SCN2A: variants seen among roughly 807,000 people sequenced by gnomAD.
SCN2A encodes the protein sodium voltage-gated channel alpha subunit 2.
A neutral mutation model predicts 188.7 loss-of-function variants in SCN2A; 20 were observed. The ratio of observed to expected loss-of-function variants is 0.11; its 90% CI spans 0.07 to 0.15. SCN2A has a LOEUF of 0.15. Among genes scored for constraint, SCN2A ranks in the 10% least tolerant of loss-of-function variants. The pLI is 1.00. For synonymous variants in SCN2A, 804 were observed against 833.1 expected (o/e 0.97, Z 0.60); for missense variants, 1,278 against 2,445.0 (o/e 0.52, Z 10.07).
chr2:165,345,465 T>C (rs1699526930), intron 16 of SCN2A, among the ~76,000 whole-genome samples: 1 of 152,210 alleles, frequency 6.6e-6, no homozygotes, highest in Admixed American at 6.5e-5. Flanking sequence ...TTTACCATTA[T>C]GTAGTGTCTT....
chr2:165,240,694 T>TGTGTGTGTGTGTGA (rs755090637), intron 1 of SCN2A, among the ~76,000 whole-genome samples: 16 of 150,500 alleles, frequency 1.1e-4, no homozygotes, highest in African/African-American at 3.7e-4. Flanking sequence ...TGTGTGTGTG[T>TGTGTGTGTGTGTGA]GATGGTGGAG....
intron 3 of SCN2A, among the ~76,000 whole-genome samples, chr2:165,303,012 C>G (rs1220418536): frequency 6.6e-6 from 1 of 152,172 alleles, no homozygotes; most frequent in African/African-American, 2.4e-5. Flanking sequence ...AAAGGTTTAT[C>G]TGCCTCTATT....
At chr2:165,284,182 AT>A (rs1559336018) in intron 1 of SCN2A, among the ~76,000 whole-genome samples, 1 of 151,234 alleles carries the variant, frequency 6.6e-6, no homozygotes, top group East Asian at 1.9e-4. Context: ...TTATTTATTT[AT>A]TTTTTGAGAC....
At chr2:165,348,826 C>T (rs1699740355) in intron 16 of SCN2A, among the ~76,000 whole-genome samples, 1 of 152,194 alleles carries the variant, frequency 6.6e-6, no homozygotes, top group African/African-American at 2.4e-5. Context: ...CAGTTTTTCT[C>T]TGCAGGACCT....
intron 5 of SCN2A, 157 bp from the exon 6 acceptor site, chr2:165,309,195 T>A: frequency 6.2e-7 from 1 of 1,613,642 alleles, no homozygotes; most frequent in Non-Finnish European, 8.5e-7. Context: ...ACCTAGGCAA[T>A]GTTTCAGCTC....
At chr2:165,326,453 A>T (rs1698364067) in intron 12 of SCN2A, among the ~76,000 whole-genome samples, 1 of 152,222 alleles carries the variant, frequency 6.6e-6, no homozygotes, top group African/African-American at 2.4e-5. Flanking sequence ...CTTTTTGTTC[A>T]TATATTAAAC....
At chr2:165,380,870 C>T (rs1701566900) in intron 24 of SCN2A, 141 bp downstream of exon 24, 2 of 777,132 alleles carry the variant, frequency 2.6e-6, no homozygotes, top group South Asian at 1.8e-5. Context: ...AATCGATAAG[C>T]TTTTAAGCAA....
rs149375347 is a variant in SCN2A, at chr2:165,305,761, A to G, written c.387-2087A>G. ...AGAAAGAAAAGCTGGTAGGCTGAAT[A>G]TATGATAGATATATAAGAAAAGGAA... On this transcript the variant is annotated intron_variant, in intron 3 of 26. Coordinates refer to ENST00000375437, the MANE Select transcript of SCN2A (RefSeq NM_001040142.2). Among the ~76,000 whole-genome samples the G allele has an allele frequency of 6.2e-3, 946 of 152,354 alleles. 17 individuals carry two copies. Among genetic ancestry groups the G allele is most frequent in the African/African-American group, 0.021 (863 of 41,584 alleles).
At chr2:165,265,702 A>G (rs1195391502) in intron 1 of SCN2A, among the ~76,000 whole-genome samples, 1 of 151,068 alleles carries the variant, frequency 6.6e-6, no homozygotes, top group African/African-American at 2.4e-5. Context: ...GCCTGAAACA[A>G]CACAGTATTC....
intron 1 of SCN2A, among the ~76,000 whole-genome samples, chr2:165,247,415 A>T (rs898984041): frequency 6.6e-5 from 10 of 152,074 alleles, no homozygotes; most frequent in Non-Finnish European, 8.8e-5. Context: ...CATTTCACCA[A>T]ATCAGCTCCT....
intron 1 of SCN2A, among the ~76,000 whole-genome samples, chr2:165,261,142 T>C (rs1287891831): frequency 1.3e-5 from 2 of 152,204 alleles, no homozygotes; most frequent in Non-Finnish European, 2.9e-5. Flanking sequence ...AAAAGTTGGC[T>C]GTACATGTTG....
rs1486069329 is a variant in SCN2A at position 165,390,883 on chromosome 2, C to T, written c.*1059C>T. The T allele has an allele frequency of 2.0e-5, 3 of 152,476 alleles. No homozygotes were observed. Among genetic ancestry groups the T allele is most frequent in the Non-Finnish European group, 2.9e-5 (2 of 68,008 alleles). The allele number at this position is 152,476 out of a possible 1,614,324, so 9.4% of individuals were successfully genotyped here. On this transcript the variant is annotated 3_prime_UTR_variant, in exon 27 of 27. Transcript: ENST00000375437. ...CATCTTCTGCTCTTGGTAAGGTTGA[C>T]ATAGTATATGTCAATTTAAAAAATA...
intron 25 of SCN2A, among the ~76,000 whole-genome samples, chr2:165,383,092 T>C (rs1420167992): frequency 6.6e-6 from 1 of 152,144 alleles, no homozygotes; most frequent in African/African-American, 2.4e-5. Context: ...ATTGACAATA[T>C]GTACTATGTA....
chr2:165,252,161 C>T (rs1183693976), intron 1 of SCN2A, among the ~76,000 whole-genome samples: 1 of 151,830 alleles, frequency 6.6e-6, no homozygotes, highest in Non-Finnish European at 1.5e-5. Flanking sequence ...GTCAGGAAAA[C>T]TTAGTTCACA....
In SCN2A at chr2:165,325,296, G is replaced by A. The variant is rs146200168; in HGVS notation, c.2017-1556G>A. ...CCAGCTTGAAGCAAAGCTTTGTGTG[G>A]TCCCTTTATTTCCTGCTTCCTCAAC... On this transcript the variant is annotated intron_variant, in intron 12 of 26. Coordinates refer to ENST00000375437, the MANE Select transcript of SCN2A (RefSeq NM_001040142.2). 8.2e-3 allele frequency among the ~76,000 whole-genome samples: 1,245 copies of A among 152,252 alleles called. 24 individuals are homozygous for A. Among genetic ancestry groups the A allele is most frequent in the African/African-American group, 0.028 (1,153 of 41,540 alleles).
chr2:165,352,740 T>C (rs1470868269), intron 16 of SCN2A, among the ~76,000 whole-genome samples: 2 of 152,204 alleles, frequency 1.3e-5, no homozygotes, highest in Admixed American at 6.5e-5. Context: ...GCTATGTGTA[T>C]GTGTATGAAA....
chr2:165,249,949 A>G (rs557755392), intron 1 of SCN2A, among the ~76,000 whole-genome samples: 100 of 152,102 alleles, frequency 6.6e-4, no homozygotes, highest in African/African-American at 2.3e-3. Context: ...TCTCTGCTTC[A>G]GAAATGTATA....
chr2:165,289,889 T>C (rs529939384), intron 1 of SCN2A, among the ~76,000 whole-genome samples: 1 of 152,306 alleles, frequency 6.6e-6, no homozygotes, highest in African/African-American at 2.4e-5. Flanking sequence ...TTAAGGAAAC[T>C]GCACATATCT....
chr2:165,297,817 A>G (rs1418219643), intron 3 of SCN2A, among the ~76,000 whole-genome samples: 1 of 152,138 alleles, frequency 6.6e-6, no homozygotes, highest in Non-Finnish European at 1.5e-5. Flanking sequence ...CTATCTATCC[A>G]TATACATTCT....
Sources: gnomAD v4.1 joint callset for allele counts (sites outside exome capture counted in the v4.1 genomes callset) on GRCh38, gnomAD v4.1.1 for gene constraint, MANE v1.5 for transcripts, NCBI Gene and HGNC (gene_info 2026-07-23, HGNC 2026-07-21) for gene names.